Variants in ROR1 observed in about 807,000 individuals in gnomAD.
ROR1 encodes inactive tyrosine-protein kinase transmembrane receptor ROR1.
Under a neutral mutation model 78.8 loss-of-function variants are expected in ROR1, and 19 were observed. That is an observed-to-expected ratio of 0.24 (90% CI 0.17 to 0.35). The LOEUF (loss-of-function observed/expected upper bound fraction) is 0.35. Among genes scored for constraint, ROR1 ranks in the 10% least tolerant of loss-of-function variants. The probability of loss-of-function intolerance (pLI) is 1.00; values close to 1 mark genes in which losing one functional copy is unlikely to be tolerated. For synonymous variants in ROR1, 386 were observed against 433.6 expected, an observed-to-expected ratio of 0.89 and a Z score of 1.36; for missense variants, 917 against 1,177.8, an observed-to-expected ratio of 0.78 and a Z score of 3.24.
chr1:63,843,355 T>A (rs998286075), intron 1 of ROR1: 10 of 915,638 alleles, frequency 1.1e-5, no homozygotes, highest in Non-Finnish European at 1.8e-5. Context: ...ATTTTGCTTT[T>A]AAGGGGAGCA....
chr1:63,962,146 G>A (rs534444308), intron 1 of ROR1, among the ~76,000 whole-genome samples: 84 of 152,336 alleles, frequency 5.5e-4, no homozygotes, highest in African/African-American at 2.0e-3. Flanking sequence ...TATAGTCCCA[G>A]CTACTTGGGA....
rs371401773 is a variant in ROR1, at chr1:64,074,576, G to A, written c.482+23860G>A. ...GATCTGTGGACAAGAAATGAAAAGT[G>A]GGTTTTGACAAATAGAGGCAGGGAA... is the stretch of plus-strand genomic sequence containing the variant. On this transcript the variant is annotated intron_variant, in intron 4 of 8. Coordinates refer to ENST00000371079, the MANE Select transcript of ROR1 (RefSeq NM_005012.4). 3.0e-4 allele frequency among the ~76,000 whole-genome samples: 46 copies of A among 152,316 alleles called. 1 individual carries two copies. In the East Asian group the frequency reaches 6.2e-3, roughly 20 times the overall value.
intron 1 of ROR1, among the ~76,000 whole-genome samples, chr1:63,814,964 A>G (rs936973433): frequency 6.6e-6 from 1 of 152,120 alleles, no homozygotes; most frequent in Non-Finnish European, 1.5e-5. Flanking sequence ...CTATTCCGCT[A>G]GGAGTTTGAA....
intron 1 of ROR1, among the ~76,000 whole-genome samples, chr1:63,997,296 T>C (rs1427779224): frequency 1.3e-5 from 2 of 152,170 alleles, no homozygotes; most frequent in Non-Finnish European, 2.9e-5. Context: ...GCTAAGACAA[T>C]ACTACACACT....
chr1:64,131,831 G>T (rs1018646311), intron 4 of ROR1, among the ~76,000 whole-genome samples: 4 of 151,698 alleles, frequency 2.6e-5, no homozygotes, highest in African/African-American at 9.7e-5. Context: ...TGTTGTCCGG[G>T]CTGGTCTTGA....
At chr1:63,897,323 A>G (rs951214968) in intron 1 of ROR1, among the ~76,000 whole-genome samples, 2 of 152,246 alleles carry the variant, frequency 1.3e-5, no homozygotes, top group Non-Finnish European at 2.9e-5. Flanking sequence ...TTGAGAACCT[A>G]TGAAATGCTT....
intron 1 of ROR1, among the ~76,000 whole-genome samples, chr1:63,829,061 G>A (rs67716815): frequency 0.14 from 20,684 of 152,228 alleles, 1,494 homozygotes; most frequent in Middle Eastern, 0.22. Context: ...CACCAGGACA[G>A]GTGTTTCTGT....
rs115576957 is a variant in ROR1 at position 63,978,739 on chromosome 1, T to C, written c.92-30566T>C. Among the ~76,000 whole-genome samples the C allele has an allele frequency of 6.2e-3, 941 of 152,310 alleles. 9 individuals carry two copies. The highest frequency in any genetic ancestry group is 0.022 in the African/African-American group (905 of 41,578). On this transcript the variant is annotated intron_variant, in intron 1 of 8. Coordinates refer to ENST00000371079, the MANE Select transcript of ROR1 (RefSeq NM_005012.4). Reference sequence around the variant, plus strand: ...CAGCATTGTTGGTGATAGCTGGGAATTGGAGACAATCTGAACACACATCTG... The same window carrying C: ...CAGCATTGTTGGTGATAGCTGGGAACTGGAGACAATCTGAACACACATCTG...
At chr1:64,145,656 T>C (rs942388482) in intron 7 of ROR1, among the ~76,000 whole-genome samples, 2 of 152,224 alleles carry the variant, frequency 1.3e-5, no homozygotes, top group African/African-American at 4.8e-5. Flanking sequence ...TTTTCCGTGT[T>C]ATTTTCAACA....
At chr1:64,083,852 G>A (rs188863410) in intron 4 of ROR1, among the ~76,000 whole-genome samples, 1 of 152,302 alleles carries the variant, frequency 6.6e-6, no homozygotes, top group East Asian at 1.9e-4. Context: ...GGGAAAATGT[G>A]TAAAGAGAGT....
At chr1:63,790,909 C>G (rs1644722425) in intron 1 of ROR1, among the ~76,000 whole-genome samples, 1 of 152,166 alleles carries the variant, frequency 6.6e-6, no homozygotes, top group Admixed American at 6.5e-5. Flanking sequence ...GCCAGAAATG[C>G]CCCCTTGTCT....
intron 1 of ROR1, among the ~76,000 whole-genome samples, chr1:63,827,887 G>C (rs1644965336): frequency 6.6e-6 from 1 of 152,120 alleles, no homozygotes; most frequent in African/African-American, 2.4e-5. Context: ...ATAAAATTGT[G>C]GAAACCAAAC....
chr1:64,171,817 T>C (rs549616082), intron 8 of ROR1, among the ~76,000 whole-genome samples: 1 of 152,332 alleles, frequency 6.6e-6, no homozygotes, highest in South Asian at 2.1e-4. Context: ...AGAGCAATTA[T>C]ATGACATTAT....
chr1:63,907,246 G>A (rs915945484), intron 1 of ROR1, among the ~76,000 whole-genome samples: 1 of 152,178 alleles, frequency 6.6e-6, no homozygotes, highest in Non-Finnish European at 1.5e-5. Flanking sequence ...GGAGCAGCAC[G>A]TTGGACAGGG....
intron 1 of ROR1, among the ~76,000 whole-genome samples, chr1:63,942,956 G>A (rs114298813): frequency 0.013 from 2,021 of 152,018 alleles, 46 homozygotes; most frequent in African/African-American, 0.047. Context: ...CAGGCATGGT[G>A]GAGCGTGACG....
chr1:64,023,710 C>A (rs770627176), intron 2 of ROR1, among the ~76,000 whole-genome samples: 1 of 152,060 alleles, frequency 6.6e-6, no homozygotes, highest in Non-Finnish European at 1.5e-5. Flanking sequence ...TCATATTGAG[C>A]CATTCTCTTT....
At chr1:63,834,637 A>G (rs1370480382) in intron 1 of ROR1, among the ~76,000 whole-genome samples, 1 of 152,196 alleles carries the variant, frequency 6.6e-6, no homozygotes, top group Admixed American at 6.5e-5. Context: ...CAAAACCAAG[A>G]GTTATTACAT....
intron 4 of ROR1, among the ~76,000 whole-genome samples, chr1:64,096,175 A>T (rs544383485): frequency 6.6e-6 from 1 of 152,156 alleles, no homozygotes; most frequent in Non-Finnish European, 1.5e-5. Context: ...TGGCAAAATT[A>T]TACATTGCTT....
intron 7 of ROR1, among the ~76,000 whole-genome samples, chr1:64,149,524 G>A (rs1256739488): frequency 1.3e-5 from 2 of 152,036 alleles, no homozygotes; most frequent in African/African-American, 4.8e-5. Context: ...AGACCCTACT[G>A]TGCTCCTCTT....
Sources: allele counts gnomAD v4.1 joint callset (sites outside exome capture counted in the v4.1 genomes callset), GRCh38; gene constraint gnomAD v4.1.1; transcripts MANE v1.5; gene names NCBI Gene and HGNC (gene_info 2026-07-23, HGNC 2026-07-21).